The following BRF1 variants were observed in gnomAD, a reference collection of about 807,000 sequenced individuals.
BRF1 encodes BRF1 general transcription factor IIIB subunit, also known as transcription factor IIIB 90 kDa subunit.
In BRF1, 59 loss-of-function variants were observed where a neutral mutation model predicts 81.7. The ratio of observed to expected loss-of-function variants is 0.72; its 90% confidence interval spans 0.59 to 0.90. BRF1 has a LOEUF of 0.90. BRF1 is among the 40% of genes least tolerant of loss of function. BRF1 has a pLI of 0.00. For missense variants in BRF1, 1,050 were observed against 936.3 expected, an observed-to-expected ratio of 1.12 and a Z score of -1.58; for synonymous variants, 491 against 395.6, an observed-to-expected ratio of 1.24 and a Z score of -2.86.
intron 6 of BRF1, 55 bp from the exon 7 acceptor site, chr14:105,228,968 C>T (rs756000241): frequency 2.6e-6 from 4 of 1,522,818 alleles, no homozygotes; most frequent in African/African-American, 1.4e-5. Context: ...AGGGCAACAT[C>T]TGTGGCGGCC....
intron 5 of BRF1, among the ~76,000 whole-genome samples, chr14:105,243,438 G>A (rs2054856684): frequency 1.4e-5 from 2 of 147,872 alleles, no homozygotes; most frequent in Admixed American, 1.3e-4. Context: ...CGACAGAGCA[G>A]CAAGACTCTG....
At chr14:105,214,725 G>A (rs1280605333) in intron 15 of BRF1, among the ~76,000 whole-genome samples, 1 of 152,222 alleles carries the variant, frequency 6.6e-6, no homozygotes, top group Admixed American at 6.5e-5. Flanking sequence ...CCATGCCTGG[G>A]CCACCCAAGG....
chr14:105,220,553 G>GATAGAAATGAGGGA (rs1212785664), intron 11 of BRF1, among the ~76,000 whole-genome samples: 1 of 152,164 alleles, frequency 6.6e-6, no homozygotes, highest in African/African-American at 2.4e-5. Flanking sequence ...TAGGTCTGGG[G>GATAGAAATGAGGGA]ATAGAAATGA....
At position 105,294,864 on chromosome 14, in the gene BRF1, G is replaced by A. The variant is rs764635849; in HGVS notation, c.184+5582C>T. On this transcript the variant is annotated intron_variant, in intron 1 of 17. Transcript: ENST00000547530. ...AGTGGACCAATTCCTCAACACAAGC[G>A]GCTAATTCACCCCAGGTGAAACACA... 5.9e-5 allele frequency among the ~76,000 whole-genome samples: 9 copies of A among 152,208 alleles called. No individual in the cohort carries two copies. In the East Asian group the frequency reaches 9.6e-4, roughly 16 times the overall value.
rs142984075 is a variant in BRF1 at position 105,291,497 on chromosome 14, G to A, written c.185-5121C>T. On this transcript the variant is annotated intron_variant, in intron 1 of 17. Transcript: ENST00000547530. The stretch of plus-strand genomic sequence containing the variant: ...TCAAGACCAGCCTGGCCAACAGGGC[G>A]AAACCCCGTCTCTACTAAAACATAC... Among the ~76,000 whole-genome samples the A allele has an allele frequency of 3.8e-3, 580 of 152,156 alleles. 1 individual carries two copies. The highest frequency in any genetic ancestry group is 0.013 in the African/African-American group (551 of 41,512).
At chr14:105,220,924 C>T (rs970321248) in intron 11 of BRF1, among the ~76,000 whole-genome samples, 14 of 152,238 alleles carry the variant, frequency 9.2e-5, no homozygotes, top group African/African-American at 3.1e-4. Flanking sequence ...AGGGCCTGTG[C>T]ATGTCCCCTC....
Position 105,286,554 on chromosome 14 carries a change from C to T in BRF1, c.185-178G>A, listed in dbSNP as rs187678678. Among the ~76,000 whole-genome samples, 402 of 152,328 alleles carry T rather than the reference C, an allele frequency of 2.6e-3. 1 individual carries two copies. Among genetic ancestry groups the T allele is most frequent in the Middle Eastern group, 6.8e-3 (2 of 294 alleles). On this transcript the variant is annotated intron_variant, in intron 1 of 17. Transcript: ENST00000547530. ...CCAGGAACCCCAGTGGGGGAAGCAT[C>T]TCTCACTCTGCCCAGCCAGCAGGGT...
rs757190828 is a variant in BRF1 at position 105,264,830 on chromosome 14, T to C, written c.439+7891A>G. 2.6e-5 allele frequency among the ~76,000 whole-genome samples: 4 copies of C among 151,770 alleles called. No individual in the cohort carries two copies. The South Asian group carries it at 8.4e-4, about 32-fold the overall frequency. On this transcript the variant is annotated intron_variant, in intron 3 of 17. Transcript: ENST00000547530. ...CACTCCAGCCTGGGCAACACAGCGA[T>C]ATTCCATCTCTTAAAAAAAAAATTA...
chr14:105,214,606 C>T (rs1370240423), intron 15 of BRF1, among the ~76,000 whole-genome samples: 4 of 151,372 alleles, frequency 2.6e-5, no homozygotes, highest in South Asian at 4.2e-4. Context: ...TGCATCATGA[C>T]GCAGGACCAG....
At position 105,211,761 on chromosome 14, in the gene BRF1, T is replaced by C. The variant is rs185579330; in HGVS notation, c.1824+352A>G. On this transcript the variant is annotated intron_variant, in intron 16 of 17. Coordinates refer to ENST00000547530, the MANE Select transcript of BRF1 (RefSeq NM_001519.4). ...AGTCCCCAACAAGTGACAGTCCAGG[T>C]GAAAGACCCCTGAGCCCTGGAGGGC... 8.2e-3 allele frequency: 3,282 copies of C among 401,432 alleles called. 91 individuals carry two copies. The highest frequency in any genetic ancestry group is 0.064 in the Admixed American group (1,656 of 25,708). 24.9% of individuals were successfully genotyped at this position (401,432 alleles called of 1,614,324 possible). A position where few individuals can be genotyped will look rare whatever the true frequency, so the allele number is the denominator to read the frequency against.
chr14:105,214,554 G>A (rs1038897831), intron 15 of BRF1, among the ~76,000 whole-genome samples: 5 of 139,312 alleles, frequency 3.6e-5, no homozygotes, highest in Middle Eastern at 8.4e-3. Flanking sequence ...CCCCTGAGTG[G>A]CCCAGCTCAG....
chr14:105,250,472 C>T (rs749301873), intron 5 of BRF1: 2 of 1,614,028 alleles, frequency 1.2e-6, no homozygotes. Context: ...CTGGTTTGAA[C>T]ACCCGGTCCA....
intron 2 of BRF1, among the ~76,000 whole-genome samples, chr14:105,281,431 C>T (rs150437124): frequency 0.017 from 1,965 of 117,746 alleles, 45 homozygotes; most frequent in African/African-American, 0.062. Context: ...AGGTGGAGGC[C>T]GTGTGATCCT....
intron 11 of BRF1, among the ~76,000 whole-genome samples, chr14:105,220,559 A>C (rs1892119886): frequency 6.6e-6 from 1 of 152,100 alleles, no homozygotes. Flanking sequence ...TGGGGATAGA[A>C]ATGAGGGAAT....
At chr14:105,292,329 G>A (rs746038320) in intron 1 of BRF1, among the ~76,000 whole-genome samples, 5 of 152,050 alleles carry the variant, frequency 3.3e-5, no homozygotes, top group African/African-American at 7.2e-5. Context: ...GATTACAGGC[G>A]CCCACCACCA....
intron 4 of BRF1, among the ~76,000 whole-genome samples, chr14:105,254,893 C>T (rs1027242523): frequency 3.9e-5 from 6 of 152,194 alleles, no homozygotes; most frequent in African/African-American, 1.4e-4. Flanking sequence ...AGAGTTGCTA[C>T]CATGTATGAG....
intron 3 of BRF1, among the ~76,000 whole-genome samples, chr14:105,262,478 G>A (rs1423838161): frequency 1.3e-5 from 2 of 152,322 alleles, no homozygotes; most frequent in East Asian, 3.9e-4. Flanking sequence ...AAATCCCTGA[G>A]CCACTGCTGG....
intron 15 of BRF1, chr14:105,213,212 C>G (rs1890438887): frequency 6.6e-6 from 1 of 152,326 alleles, no homozygotes; most frequent in South Asian, 2.1e-4. Flanking sequence ...TCTCAGCAGG[C>G]TGACCTCAAT....
chr14:105,284,240 A>C lies in BRF1; in HGVS notation c.265+2056T>G, dbSNP rs587668840. On this transcript the variant is annotated intron_variant, in intron 2 of 17. Coordinates refer to ENST00000547530, the MANE Select transcript of BRF1 (RefSeq NM_001519.4). The surrounding 1 kb of genome is among the most constrained non-coding windows in gnomAD (Gnocchi z 4.0). ...TGAAATCACACAGAGGGTGCTCTCT[A>C]CTGCAGAAGAATCACACCGGCAGTC... Among the ~76,000 whole-genome samples the C allele has an allele frequency of 3.3e-5, 5 of 152,268 alleles. No homozygotes were observed. The highest frequency in any genetic ancestry group is 1.2e-4 in the African/African-American group (5 of 41,544).
Sources: gnomAD v4.1 joint callset for allele counts (sites outside exome capture counted in the v4.1 genomes callset) on GRCh38, gnomAD v4.1.1 for gene constraint, Gnocchi (gnomAD v3.1) non-coding constraint, MANE v1.5 for transcripts, NCBI Gene and HGNC (gene_info 2026-07-23, HGNC 2026-07-21) for gene names.